The following NLK variants were observed in gnomAD, a reference collection of about 807,000 sequenced individuals.
NLK encodes nemo like kinase, also known as serine/threonine-protein kinase NLK.
Under a neutral mutation model 59.0 loss-of-function variants are expected in NLK, and 11 were observed. That is an observed-to-expected ratio of 0.19 (90% CI 0.12 to 0.31). The LOEUF is 0.31. Among genes scored for constraint, NLK ranks in the 10% least tolerant of loss-of-function variants. NLK has a pLI of 1.00. For synonymous variants in NLK, 235 were observed against 235.9 expected (o/e 1.00, Z 0.03); for missense variants, 410 against 661.1 (o/e 0.62, Z 4.16).
At chr17:28,127,344 C>T (rs1906331689) in intron 2 of NLK, among the ~76,000 whole-genome samples, 2 of 152,176 alleles carry the variant, frequency 1.3e-5, no homozygotes, top group Non-Finnish European at 2.9e-5. Flanking sequence ...TCATACAACA[C>T]CCCTTTGGGT....
chr17:28,067,801 G>A lies in NLK; in HGVS notation c.458+24470G>A, dbSNP rs1039198981. Among the ~76,000 whole-genome samples the A allele has an allele frequency of 4.7e-4, 71 of 150,722 alleles. 1 individual carries two copies. Among genetic ancestry groups the A allele is most frequent in the Non-Finnish European group, 3.0e-5 (2 of 67,730 alleles). ...ATTATGGCGTTCAAAATTGTGTCTC[G>A]GTATTGTGATCCAAACTGTAGGTAG... On this transcript the variant is annotated intron_variant, in intron 1 of 10. Transcript: ENST00000407008.
At chr17:28,187,373 A>G (rs1291492572) in intron 8 of NLK, among the ~76,000 whole-genome samples, 1 of 152,100 alleles carries the variant, frequency 6.6e-6, no homozygotes, top group Non-Finnish European at 1.5e-5. Context: ...GCGCAATCTC[A>G]GCTCACTGCA....
intron 1 of NLK, among the ~76,000 whole-genome samples, chr17:28,062,657 T>G (rs1452093302): frequency 1.3e-5 from 2 of 152,160 alleles, no homozygotes; most frequent in Non-Finnish European, 2.9e-5. Context: ...CACAGCTCAC[T>G]GCAACCTCTG....
intron 1 of NLK, among the ~76,000 whole-genome samples, chr17:28,067,327 A>G (rs1045852828): frequency 6.6e-6 from 1 of 152,188 alleles, no homozygotes; most frequent in South Asian, 2.1e-4. Context: ...TACAAAAAGA[A>G]CATCTATTCA....
At chr17:28,109,157 C>T (rs1036010265) in intron 1 of NLK, among the ~76,000 whole-genome samples, 6 of 149,766 alleles carry the variant, frequency 4.0e-5, no homozygotes, top group East Asian at 3.9e-4. Flanking sequence ...GGCAACACAG[C>T]GAGACTTCGT....
chr17:28,179,547 A>G (rs1039141165), intron 7 of NLK, among the ~76,000 whole-genome samples: 2 of 152,212 alleles, frequency 1.3e-5, no homozygotes, highest in Middle Eastern at 3.4e-3. Flanking sequence ...CCTGGCCAAC[A>G]TGGTGAAAGC....
Position 28,192,417 on chromosome 17 carries a change from CCAGCACTTTGGGAAGCCAAGG to C in NLK, c.1529+208_1529+228del, listed in dbSNP as rs1909338231. Among the ~76,000 whole-genome samples the C allele has an allele frequency of 1.3e-5, 2 of 152,096 alleles. 1 individual carries two copies. The highest frequency in any genetic ancestry group is 4.1e-4 in the South Asian group (2 of 4,826). ...GGCGCGGTAGCTCATGCCTGTAATC[CCAGCACTTTGGGAAGCCAAGG>C]CAGACAGATCACCTGAGGTCTGGAG... On this transcript the variant is annotated intron_variant, in intron 10 of 10. Transcript: ENST00000407008.
At chr17:28,203,788 C>T in the NLK span, among the ~76,000 whole-genome samples, 1 of 152,194 alleles carries the variant, frequency 6.6e-6, no homozygotes, top group Non-Finnish European at 1.5e-5. Flanking sequence ...CCACCTGCCT[C>T]AGCCTCCCAA....
Position 28,185,377 on chromosome 17 carries a change from T to C in NLK, c.1236+112T>C, listed in dbSNP as rs1909076017. On this transcript the variant is annotated intron_variant, in intron 8 of 10. Transcript: ENST00000407008. ...ATGTAAATAATTACTTTTCAGAATA[T>C]AAACTTCAATCCCCAGTATCATGTG... The C allele has an allele frequency of 1.1e-5, 7 of 654,146 alleles. No individual in the cohort carries two copies. The South Asian group carries it at 1.1e-4, about 10-fold the overall frequency. 40.5% of individuals were successfully genotyped at this position (654,146 alleles called of 1,614,324 possible).
chr17:28,177,381 G>A (rs1406105082), intron 7 of NLK, among the ~76,000 whole-genome samples: 1 of 152,206 alleles, frequency 6.6e-6, no homozygotes, highest in Non-Finnish European at 1.5e-5. Flanking sequence ...ATGCTTCTAT[G>A]TGGCATGTTT....
chr17:28,198,875 C>T (rs779014346), downstream of NLK, among the ~76,000 whole-genome samples: 2 of 152,244 alleles, frequency 1.3e-5, no homozygotes, highest in Non-Finnish European at 2.9e-5. Context: ...AGAGAAAACC[C>T]CTGGAAAGTA....
At chr17:28,187,773 A>G (rs1443651096) in intron 8 of NLK, among the ~76,000 whole-genome samples, 1 of 152,186 alleles carries the variant, frequency 6.6e-6, no homozygotes, top group Non-Finnish European at 1.5e-5. Context: ...CAGTGGGATT[A>G]TCACACTTAA....
At chr17:28,155,108 AAT>A (rs1907647968) in intron 3 of NLK, among the ~76,000 whole-genome samples, 1 of 152,234 alleles carries the variant, frequency 6.6e-6, no homozygotes, top group Non-Finnish European at 1.5e-5. Flanking sequence ...AATGAATTAT[AAT>A]ATAGCCACAC....
chr17:28,134,669 TA>T (rs1906664479), intron 3 of NLK, among the ~76,000 whole-genome samples: 1 of 152,186 alleles, frequency 6.6e-6, no homozygotes, highest in East Asian at 1.9e-4. Context: ...ACAGATCCTT[TA>T]TGGAGTTAAT....
chr17:28,180,371 A>G (rs1198485315), intron 7 of NLK, among the ~76,000 whole-genome samples: 3 of 152,178 alleles, frequency 2.0e-5, no homozygotes, highest in African/African-American at 2.4e-5. Flanking sequence ...ATATAGAACT[A>G]CTTATTTGCC....
intron 3 of NLK, among the ~76,000 whole-genome samples, chr17:28,137,309 A>G (rs1472207284): frequency 6.6e-6 from 1 of 152,188 alleles, no homozygotes; most frequent in East Asian, 1.9e-4. Context: ...GTATATCGTT[A>G]TACATCTAAT....
chr17:28,150,313 TG>T (rs1319852083), intron 3 of NLK, among the ~76,000 whole-genome samples: 1 of 152,310 alleles, frequency 6.6e-6, no homozygotes, highest in Admixed American at 6.5e-5. Flanking sequence ...CATAGAAACC[TG>T]CTTATGGTGG....
chr17:28,186,772 C>T (rs1221932168), intron 8 of NLK, among the ~76,000 whole-genome samples: 3 of 152,158 alleles, frequency 2.0e-5, no homozygotes, highest in East Asian at 3.8e-4. Flanking sequence ...AGGTCCCTCC[C>T]GTAGCATGTG....
chr17:28,074,296 A>C (rs773485621), intron 1 of NLK, among the ~76,000 whole-genome samples: 1 of 152,180 alleles, frequency 6.6e-6, no homozygotes, highest in Non-Finnish European at 1.5e-5. Flanking sequence ...CCTATGTAAC[A>C]AACCTGCACA....
Sources: gnomAD v4.1 joint callset for allele counts (sites outside exome capture counted in the v4.1 genomes callset) on GRCh38, gnomAD v4.1.1 for gene constraint, MANE v1.5 for transcripts, NCBI Gene and HGNC (gene_info 2026-07-23, HGNC 2026-07-21) for gene names.